CDKL3: variants seen among roughly 807,000 people sequenced by gnomAD.
The protein encoded by CDKL3 is cyclin dependent kinase like 3.
A neutral mutation model predicts 69.3 loss-of-function variants in CDKL3; 65 were observed. The observed-to-expected ratio is 0.94, with a 90% CI of 0.77 to 1.15. The LOEUF (loss-of-function observed/expected upper bound fraction) is 1.15, where lower values mean the gene tolerates loss of function less well. Among genes scored for constraint, CDKL3 ranks in the 50% most tolerant of loss-of-function variants. The pLI is 0.00. For missense variants in CDKL3, 652 were observed against 689.2 expected, an observed-to-expected ratio of 0.95 and a Z score of 0.61; for synonymous variants, 202 against 221.6, an observed-to-expected ratio of 0.91 and a Z score of 0.79.
intron 4 of CDKL3, among the ~76,000 whole-genome samples, chr5:134,329,376 T>G (rs908554273): frequency 3.0e-4 from 45 of 152,170 alleles, no homozygotes; most frequent in Admixed American, 1.0e-3. Flanking sequence ...CAAAGAGCAC[T>G]GGTAAAGGTA....
intron 5 of CDKL3, among the ~76,000 whole-genome samples, 162 bp from the exon 6 acceptor site, chr5:134,319,659 C>A (rs111278473): frequency 6.6e-6 from 1 of 152,068 alleles, no homozygotes; most frequent in East Asian, 1.9e-4. Context: ...ACTATCTGAA[C>A]ATGTCATAAA....
intron 8 of CDKL3, among the ~76,000 whole-genome samples, chr5:134,289,730 A>G (rs975486526): frequency 1.3e-5 from 2 of 152,154 alleles, no homozygotes; most frequent in African/African-American, 4.8e-5. Context: ...CCTCTGGAGG[A>G]GACTATGATA....
chr5:134,338,956 C>T (rs1452302046), intron 4 of CDKL3, among the ~76,000 whole-genome samples: 2 of 152,056 alleles, frequency 1.3e-5, no homozygotes, highest in Admixed American at 1.3e-4. Context: ...GAATTTGAGA[C>T]CAGCCTGGCC....
At chr5:134,288,586 C>T (rs550972712) in intron 8 of CDKL3, among the ~76,000 whole-genome samples, 2 of 152,248 alleles carry the variant, frequency 1.3e-5, no homozygotes, top group African/African-American at 4.8e-5. Context: ...ACTTTCAGAC[C>T]TAATTTATTC....
intron 6 of CDKL3, 24 bp downstream of exon 6, chr5:134,319,334 G>C (rs1383497311): frequency 3.4e-6 from 5 of 1,469,076 alleles, no homozygotes; most frequent in Non-Finnish European, 4.5e-6. Flanking sequence ...TGTCTCCGGG[G>C]GAGGAAAAAA....
intron 9 of CDKL3, 198 bp downstream of exon 9, chr5:134,307,940 C>A: frequency 2.9e-6 from 2 of 695,914 alleles, no homozygotes; most frequent in Non-Finnish European, 2.1e-6. Context: ...AAAATTTAAA[C>A]ATCTATATGG....
chr5:134,326,413 G>A lies in CDKL3; in HGVS notation c.540-4510C>T, dbSNP rs528776987. On this transcript the variant is annotated intron_variant, in intron 4 of 12. Coordinates refer to ENST00000265334, the MANE Select transcript of CDKL3 (RefSeq NM_001113575.2). ...CTCTTCACTTCAACCACAACATTTT[G>A]CAGAAAAAGAGCTGTCCAATAGGAA... Among the ~76,000 whole-genome samples the A allele has an allele frequency of 3.9e-5, 6 of 152,032 alleles. No homozygotes were observed. In the South Asian group the frequency reaches 1.2e-3, roughly 32 times the overall value.
At chr5:134,306,757 T>A in intron 9 of CDKL3, 55 bp from the exon 10 acceptor site, 4 of 982,850 alleles carry the variant, frequency 4.1e-6, no homozygotes. Flanking sequence ...ATGCTTTTTT[T>A]TTTTTTTTTT....
chr5:134,325,502 T>C (rs1481777467), intron 4 of CDKL3, among the ~76,000 whole-genome samples: 10 of 152,262 alleles, frequency 6.6e-5, no homozygotes, highest in Middle Eastern at 3.4e-3. Flanking sequence ...TACACATATG[T>C]GTATGTTCAG....
chr5:134,319,950 A>T (rs1302598677), intron 5 of CDKL3, among the ~76,000 whole-genome samples: 1 of 152,230 alleles, frequency 6.6e-6, no homozygotes, highest in African/African-American at 2.4e-5. Flanking sequence ...AGAGAGTAGT[A>T]GCAGAATGGA....
chr5:134,367,368 C>CTTTTTTTTTTTTTTTTTTTTTTT (rs57811547), upstream of CDKL3: 1 of 671,792 alleles, frequency 1.5e-6, no homozygotes, highest in Non-Finnish European at 1.7e-6. Context: ...GGATCTGCAT[C>CTTTTTTTTTTTTTTTTTTTTTTT]TTTTTTTTTT....
At chr5:134,334,666 T>G (rs1459511713) in intron 4 of CDKL3, among the ~76,000 whole-genome samples, 1 of 152,240 alleles carries the variant, frequency 6.6e-6, no homozygotes, top group Non-Finnish European at 1.5e-5. Flanking sequence ...GATTGCACTG[T>G]GGTCACAGAG....
chr5:134,336,221 G>A (rs1190572214), intron 4 of CDKL3, among the ~76,000 whole-genome samples: 5 of 151,984 alleles, frequency 3.3e-5, no homozygotes, highest in Admixed American at 2.6e-4. Context: ...TTAGCCATTC[G>A]TCTAACCTTT....
intron 7 of CDKL3, among the ~76,000 whole-genome samples, chr5:134,311,957 G>C (rs1489176693): frequency 6.6e-6 from 1 of 152,024 alleles, no homozygotes; most frequent in African/African-American, 2.4e-5. Context: ...ACCACACCTT[G>C]CTAATTTTTG....
intron 7 of CDKL3, 149 bp downstream of exon 7, chr5:134,312,143 C>A: frequency 1.6e-6 from 1 of 611,266 alleles, no homozygotes; most frequent in East Asian, 3.1e-5. Flanking sequence ...TGCTGTCTTC[C>A]TAGTCAATAC....
At chr5:134,315,734 C>T (rs764529403) in intron 6 of CDKL3, among the ~76,000 whole-genome samples, 1 of 152,154 alleles carries the variant, frequency 6.6e-6, no homozygotes, top group African/African-American at 2.4e-5. Context: ...AAAGATACCT[C>T]CCAGCTACTC....
intron 3 of CDKL3, among the ~76,000 whole-genome samples, chr5:134,359,206 G>A (rs1449299861): frequency 6.6e-6 from 1 of 151,948 alleles, no homozygotes; most frequent in African/African-American, 2.4e-5. Flanking sequence ...GGAGAGGCAG[G>A]AGAATTGCTT....
downstream of CDKL3, among the ~76,000 whole-genome samples, chr5:134,286,077 A>G (rs1764846303): frequency 6.6e-6 from 1 of 152,160 alleles, no homozygotes; most frequent in Non-Finnish European, 1.5e-5. Flanking sequence ...AGCCAAGATC[A>G]TGCCACTGCA....
Position 134,301,374 on chromosome 5 carries a change from C to T in CDKL3, c.1719+1216G>A, listed in dbSNP as rs116456724. 6.1e-3 allele frequency among the ~76,000 whole-genome samples: 934 copies of T among 152,222 alleles called. 6 individuals carry two copies. The highest frequency in any genetic ancestry group is 0.021 in the African/African-American group (868 of 41,546). ...GTTCTTAACAAGCTCTAGGCCAAGA[C>T]TAAAGAGATAGCCCTAAATGTCACA... is the stretch of plus-strand genomic sequence containing the variant. On this transcript the variant is annotated intron_variant, in intron 12 of 12. Coordinates refer to ENST00000265334, the MANE Select transcript of CDKL3 (RefSeq NM_001113575.2).
Sources: gnomAD v4.1 joint callset for allele counts (sites outside exome capture counted in the v4.1 genomes callset) on GRCh38, gnomAD v4.1.1 for gene constraint, MANE v1.5 for transcripts, NCBI Gene and HGNC (gene_info 2026-07-23, HGNC 2026-07-21) for gene names.